EXOSC7: variants seen among roughly 807,000 people sequenced by gnomAD.
The protein encoded by EXOSC7 is exosome complex component RRP42.
EXOSC7 carries 25 observed loss-of-function variants against 34.3 expected under a neutral mutation model. The ratio of observed to expected loss-of-function variants is 0.73; its 90% CI spans 0.53 to 1.02. The LOEUF (loss-of-function observed/expected upper bound fraction) is 1.02. Among genes scored for constraint, EXOSC7 ranks in the 50% least tolerant of loss-of-function variants. The pLI is 0.00. For synonymous variants in EXOSC7, 130 were observed against 143.0 expected (o/e 0.91, Z 0.65); for missense variants, 370 against 368.5 (o/e 1.00, Z -0.03).
chr3:45,005,178 A>C, intron 5 of EXOSC7, 113 bp from the exon 6 acceptor site: 1 of 1,211,522 alleles, frequency 8.3e-7, no homozygotes, highest in East Asian at 2.4e-5. Context: ...AAGAATAGGC[A>C]TAGCGTGTCT....
chr3:44,978,682 C>A (rs1453589681), intron 1 of EXOSC7, among the ~76,000 whole-genome samples: 1 of 152,110 alleles, frequency 6.6e-6, no homozygotes, highest in Non-Finnish European at 1.5e-5. Flanking sequence ...ACCAGTGTTC[C>A]AGAAGGAAGG....
intron 5 of EXOSC7, chr3:45,002,302 C>T (rs1250419630): frequency 6.6e-6 from 1 of 152,006 alleles, no homozygotes; most frequent in Non-Finnish European, 1.5e-5. Flanking sequence ...ATTAAGGTAA[C>T]AGAGGATCCT....
At chr3:45,003,282 G>T (rs187487683) in intron 5 of EXOSC7, among the ~76,000 whole-genome samples, 2 of 152,120 alleles carry the variant, frequency 1.3e-5, no homozygotes, top group Admixed American at 6.6e-5. Context: ...TAGCCCTTCT[G>T]CCCAGGCTTG....
chr3:44,989,386 A>G (rs1253608993), intron 2 of EXOSC7, 145 bp downstream of exon 2: 6 of 821,290 alleles, frequency 7.3e-6, no homozygotes, highest in Non-Finnish European at 1.2e-5. Context: ...GGGGGGGTCT[A>G]TCCAGATCTG....
chr3:45,005,257 C>G (rs776983971), intron 5 of EXOSC7, 34 bp from the exon 6 acceptor site: 4 of 1,611,920 alleles, frequency 2.5e-6, no homozygotes, highest in Non-Finnish European at 3.4e-6. Flanking sequence ...TTTCCTCCTC[C>G]AAGTGGGAAT....
intron 3 of EXOSC7, among the ~76,000 whole-genome samples, chr3:44,996,176 T>C (rs1374747367): frequency 6.6e-6 from 1 of 152,188 alleles, no homozygotes; most frequent in African/African-American, 2.4e-5. Flanking sequence ...TAATATGTGA[T>C]TTTATAGAGT....
At chr3:45,009,694 C>T (rs377225271) in intron 7 of EXOSC7, among the ~76,000 whole-genome samples, 4 of 151,894 alleles carry the variant, frequency 2.6e-5, no homozygotes, top group East Asian at 1.9e-4. Context: ...TGCAGGTGCC[C>T]GCCACCACTC....
At chr3:45,008,364 G>A (rs1205943867) in intron 7 of EXOSC7, among the ~76,000 whole-genome samples, 1 of 152,230 alleles carries the variant, frequency 6.6e-6, no homozygotes, top group Non-Finnish European at 1.5e-5. Context: ...TTAATAGCAA[G>A]CACTCTTCTT....
chr3:44,978,635 G>A (rs919100106), intron 1 of EXOSC7, among the ~76,000 whole-genome samples: 6 of 152,194 alleles, frequency 3.9e-5, no homozygotes, highest in Admixed American at 3.3e-4. Flanking sequence ...AATAGCATTT[G>A]AACTGAGTTC....
intron 3 of EXOSC7, among the ~76,000 whole-genome samples, chr3:44,991,988 G>A (rs1236363288): frequency 6.6e-6 from 1 of 152,206 alleles, no homozygotes; most frequent in East Asian, 1.9e-4. Flanking sequence ...ACAGAGATGG[G>A]AGAGGTTACC....
chr3:44,981,977 C>T (rs867824220), intron 1 of EXOSC7, among the ~76,000 whole-genome samples: 1 of 152,206 alleles, frequency 6.6e-6, no homozygotes, highest in African/African-American at 2.4e-5. Flanking sequence ...TCATGGGCTC[C>T]GTGGATTATC....
intron 5 of EXOSC7, chr3:45,002,309 T>C (rs940728542): frequency 2.0e-5 from 3 of 151,970 alleles, no homozygotes; most frequent in Admixed American, 1.3e-4. Flanking sequence ...TAACAGAGGA[T>C]CCTATTAAAA....
chr3:45,003,645 C>T (rs1706948336), intron 5 of EXOSC7, among the ~76,000 whole-genome samples: 2 of 152,114 alleles, frequency 1.3e-5, no homozygotes, highest in South Asian at 4.1e-4. Context: ...CTGGCTCCTC[C>T]AACCCAGCCT....
chr3:44,999,832 T>C (rs1340148693), intron 4 of EXOSC7, among the ~76,000 whole-genome samples: 2 of 152,244 alleles, frequency 1.3e-5, no homozygotes, highest in Non-Finnish European at 2.9e-5. Context: ...ACTGAATAGA[T>C]TGAGTCCATG....
Position 45,001,595 on chromosome 3 carries a change from C to T in EXOSC7, c.478C>T (p.Leu160Phe). 1 of 1,612,200 alleles carries T rather than the reference C, an allele frequency of 6.2e-7. No individual in the cohort carries two copies. Among genetic ancestry groups the T allele is most frequent in the Non-Finnish European group, 8.5e-7 (1 of 1,178,322 alleles). Reference sequence around the variant, plus strand: ...CATTTCCATTGCTGTAAAGGCTGCTCTCTTCAATACAAGGTAAGTCTTCCT... The same window carrying T: ...CATTTCCATTGCTGTAAAGGCTGCTTTCTTCAATACAAGGTAAGTCTTCCT... ...DAISIAVKAA[L>F]FNTRIPRVRV... The change falls in exon 5 of 8, where the codon CTC becomes TTC. Residue 160 changes from leucine to phenylalanine, a missense_variant. This residue lies in a region of EXOSC7 where 255 missense variants were observed against 246.4 expected (regional missense o/e 1.03). Transcript: ENST00000265564.
chr3:44,996,653 A>G (rs1191870902), intron 3 of EXOSC7, among the ~76,000 whole-genome samples: 1 of 152,240 alleles, frequency 6.6e-6, no homozygotes, highest in Non-Finnish European at 1.5e-5. Flanking sequence ...AAAGCTGTGA[A>G]ACTAGAGGTG....
At chr3:45,009,629 A>C (rs1401900772) in intron 7 of EXOSC7, among the ~76,000 whole-genome samples, 1 of 151,530 alleles carries the variant, frequency 6.6e-6, no homozygotes, top group Admixed American at 6.6e-5. Context: ...GCTCACTGCA[A>C]CCTCCGCCTC....
rs1475854116 is a variant in EXOSC7 at position 45,001,501 on chromosome 3, T to C, written c.421-37T>C. On this transcript the variant is annotated intron_variant, in intron 4 of 7. Coordinates refer to ENST00000265564, the MANE Select transcript of EXOSC7 (RefSeq NM_015004.4). Reference sequence around the variant, plus strand: ...AATACCTAAAGTAATAAGTGATGCTTGGTTTTTTTTCCTTTTTCAATTCCT... The same window carrying C: ...AATACCTAAAGTAATAAGTGATGCTCGGTTTTTTTTCCTTTTTCAATTCCT... The C allele has an allele frequency of 4.0e-6, 6 of 1,498,696 alleles. No homozygotes were observed. In the Admixed American group the frequency reaches 5.0e-5, roughly 13 times the overall value. 92.8% of individuals were successfully genotyped at this position (1,498,696 alleles called of 1,614,324 possible). A position where few individuals can be genotyped will look rare whatever the true frequency, so the allele number is the denominator to read the frequency against.
At chr3:44,998,021 A>ATTTTTTT (rs1422004823) in intron 4 of EXOSC7, among the ~76,000 whole-genome samples, 1 of 139,752 alleles carries the variant, frequency 7.2e-6, no homozygotes, top group Non-Finnish European at 1.6e-5. Flanking sequence ...GCTCTAATTA[A>ATTTTTTT]TTTTTTTTTG....
Sources: allele counts gnomAD v4.1 joint callset (sites outside exome capture counted in the v4.1 genomes callset), GRCh38; gene constraint gnomAD v4.1.1; regional missense constraint gnomAD v4.1.1; transcripts MANE v1.5; gene names NCBI Gene and HGNC (gene_info 2026-07-23, HGNC 2026-07-21).